Variants in HOXA3 observed in about 807,000 individuals in gnomAD.
HOXA3 encodes the protein homeobox protein Hox-A3.
Under a neutral mutation model 30.3 loss-of-function variants are expected in HOXA3, and 8 were observed. That is an observed-to-expected ratio of 0.26 (90% CI 0.15 to 0.48). The LOEUF is 0.48. Ranked by LOEUF, HOXA3 falls within the 20% of genes least tolerant of loss-of-function variation. HOXA3 has a pLI of 0.99. For synonymous variants in HOXA3, 323 were observed against 273.1 expected, an observed-to-expected ratio of 1.18 and a Z score of -1.80; for missense variants, 653 against 614.4, an observed-to-expected ratio of 1.06 and a Z score of -0.66.
intron 1 of HOXA3, chr7:27,142,989 G>C: frequency 7.0e-7 from 1 of 1,432,044 alleles, no homozygotes; most frequent in Non-Finnish European, 9.4e-7. Context: ...AGAAGAGAGG[G>C]GGGACCGAGA....
At chr7:27,139,532 C>T (rs1051448204) in intron 2 of HOXA3, among the ~76,000 whole-genome samples, 1 of 152,246 alleles carries the variant, frequency 6.6e-6, no homozygotes, top group African/African-American at 2.4e-5. Flanking sequence ...TGCCAAATGA[C>T]CCCGGCCCGC....
chr7:27,152,230 A>G, intron 1 of HOXA3, 58 bp downstream of exon 1: 1 of 1,166,432 alleles, frequency 8.6e-7, no homozygotes, highest in Non-Finnish European at 1.1e-6. Context: ...TCCCACCGCT[A>G]CCGCCGCCGG....
At chr7:27,127,473 A>G (rs1010408085) in intron 2 of HOXA3, among the ~76,000 whole-genome samples, 1 of 152,248 alleles carries the variant, frequency 6.6e-6, no homozygotes, top group African/African-American at 2.4e-5. Context: ...CTAATGAGAG[A>G]AATGTGTTTA....
intron 2 of HOXA3, among the ~76,000 whole-genome samples, chr7:27,138,126 C>T (rs999800541): frequency 5.3e-5 from 8 of 152,180 alleles, no homozygotes; most frequent in Admixed American, 5.2e-4. Context: ...AGAACCCATA[C>T]CCATGTAGAG....
intron 4 of HOXA3, chr7:27,122,294 C>G (rs1386992817): frequency 2.6e-5 from 4 of 152,260 alleles, no homozygotes; most frequent in Non-Finnish European, 4.4e-5. Flanking sequence ...CACACTCCCT[C>G]TGACTCTCCA....
chr7:27,142,056 C>A, intron 1 of HOXA3: 1 of 1,614,042 alleles, frequency 6.2e-7, no homozygotes, highest in South Asian at 1.1e-5. Context: ...GCCGTCCGGG[C>A]CCTTTTGCCT....
intron 2 of HOXA3, chr7:27,129,133 G>C: frequency 1.2e-6 from 1 of 833,400 alleles, no homozygotes; most frequent in Non-Finnish European, 2.1e-6. Context: ...GTCTATTATG[G>C]TCCAGATGGG....
At chr7:27,126,621 C>T (rs1363202836) in intron 3 of HOXA3, among the ~76,000 whole-genome samples, 1 of 152,132 alleles carries the variant, frequency 6.6e-6, no homozygotes, top group Non-Finnish European at 1.5e-5. Flanking sequence ...TAAGAAATGG[C>T]AATCATTTGG....
rs1784466905 is a variant in HOXA3 at position 27,113,054 on chromosome 7, C to A, written c.-120-2294G>T. On this transcript the variant is annotated intron_variant, in intron 4 of 5. Coordinates refer to ENST00000612286, the MANE Select transcript of HOXA3 (RefSeq NM_153631.3). The surrounding 1 kb of genome is among the most constrained non-coding windows in gnomAD (Gnocchi z 4.8). ...CATACATCCCCCCACCCCAACCCAG[C>A]CCCCAAAGTTTGCAACCTAGTAAAG... is the stretch of plus-strand genomic sequence containing the variant. 6.6e-6 allele frequency among the ~76,000 whole-genome samples: 1 copy of A among 152,114 alleles called. No homozygotes were observed. Among genetic ancestry groups the A allele is most frequent in the Non-Finnish European group, 1.5e-5 (1 of 68,020 alleles).
rs1583412897 is a variant in HOXA3 at position 27,107,798 on chromosome 7, G to C, written c.*117C>G. ...GAAACGGAGTGCGGGGCGGAGAAGA[G>C]AGAAAAGGAAGGAAGGAAAGGGCAG... On this transcript the variant is annotated 3_prime_UTR_variant, in exon 6 of 6. Coordinates refer to ENST00000612286, the MANE Select transcript of HOXA3 (RefSeq NM_153631.3). 4.3e-6 allele frequency: 3 copies of C among 691,884 alleles called. No individual in the cohort carries two copies. The Admixed American group carries it at 9.7e-5, about 22-fold the overall frequency. 42.9% of individuals were successfully genotyped at this position (691,884 alleles called of 1,614,324 possible). A position where few individuals can be genotyped will look rare whatever the true frequency, so the allele number is the denominator to read the frequency against.
At chr7:27,134,298 G>T (rs964697714) in intron 2 of HOXA3, 4 of 152,124 alleles carry the variant, frequency 2.6e-5, no homozygotes, top group African/African-American at 9.7e-5. Context: ...TGCACACAAC[G>T]CAGGGATGAG....
intron 1 of HOXA3, chr7:27,143,574 G>T: frequency 1.2e-6 from 2 of 1,602,234 alleles, no homozygotes; most frequent in African/African-American, 1.3e-5. Flanking sequence ...TTTGGATAGC[G>T]ACCGCAAAAT....
At chr7:27,123,265 C>T (rs1323239795) in intron 3 of HOXA3, 2 of 152,214 alleles carry the variant, frequency 1.3e-5, no homozygotes, top group Non-Finnish European at 2.9e-5. Context: ...GCGGGGCTAC[C>T]GCAGCACCTA....
Position 27,108,023 on chromosome 7 carries a change from G to A in HOXA3, c.1224C>T (p.His408=), listed in dbSNP as rs765147497. Residue 408 remains histidine (H), a synonymous_variant, in exon 6 of 6, where the codon CAC becomes CAT. Transcript: ENST00000612286. This position sits in a 1 kb window ranked among gnomAD's most constrained non-coding sequence, Gnocchi z 5.0. ...YGGAGPLGSG[H]HHGPGPGEPH... is the part of the protein sequence containing the mutation. ...GCTCCCCAGGCCCCGGCCCGTGGTG[G>A]TGGCCGCTGCCCAGCGGCCCGGCAC... 8.1e-6 allele frequency: 13 copies of A among 1,612,676 alleles called. No individual in the cohort carries two copies. In the Admixed American group the frequency reaches 2.2e-4, roughly 27 times the overall value.
chr7:27,147,133 C>A, intron 1 of HOXA3: 1 of 676,144 alleles, frequency 1.5e-6, no homozygotes, highest in Non-Finnish European at 2.5e-6. Context: ...CTGCCATGGC[C>A]TGATAGCCCC....
chr7:27,130,710 T>G, intron 2 of HOXA3: 2 of 1,608,074 alleles, frequency 1.2e-6, no homozygotes, highest in Non-Finnish European at 1.7e-6. Flanking sequence ...AGTTGGAGTT[T>G]ATCAAAAACG....
intron 2 of HOXA3, chr7:27,130,465 T>C (rs1473356213): frequency 8.0e-7 from 1 of 1,248,060 alleles, no homozygotes. Context: ...ATGCGCGGGG[T>C]ACAGCGCGGC....
intron 3 of HOXA3, chr7:27,124,091 T>G (rs116247676): frequency 2.0e-5 from 3 of 152,282 alleles, no homozygotes; most frequent in African/African-American, 7.2e-5. Flanking sequence ...TTATTTTTGC[T>G]GTTTCCTTAT....
chr7:27,111,626 C>T (rs1423814048), intron 4 of HOXA3, among the ~76,000 whole-genome samples: 1 of 152,072 alleles, frequency 6.6e-6, no homozygotes, highest in Middle Eastern at 3.2e-3. Flanking sequence ...AGCAAGCCAC[C>T]CCCACTTCTT....
Sources: allele counts gnomAD v4.1 joint callset (sites outside exome capture counted in the v4.1 genomes callset), GRCh38; gene constraint gnomAD v4.1.1; non-coding constraint Gnocchi (gnomAD v3.1); transcripts MANE v1.5; gene names NCBI Gene and HGNC (gene_info 2026-07-23, HGNC 2026-07-21).